KLHL13: variants seen among roughly 807,000 people sequenced by gnomAD.
KLHL13 encodes kelch like family member 13.
In KLHL13, 10 loss-of-function variants were observed where a neutral mutation model predicts 37.1. That is an observed-to-expected ratio of 0.27 (90% CI 0.17 to 0.46). The LOEUF (loss-of-function observed/expected upper bound fraction) is 0.46. Ranked by LOEUF, KLHL13 falls within the 20% of genes least tolerant of loss-of-function variation. KLHL13 has a pLI of 1.00. For missense variants in KLHL13, 360 were observed against 509.3 expected (o/e 0.71, Z 2.82); for synonymous variants, 163 against 181.2 (o/e 0.90, Z 0.81).
chrX:117,900,589 A>T (rs1336401342), intron 6 of KLHL13, among the ~76,000 whole-genome samples: 1 of 112,116 alleles, frequency 8.9e-6, no homozygotes, highest in East Asian at 2.8e-4. Flanking sequence ...GACATTCTGT[A>T]GTTGCTCATG....
At chrX:118,091,187 G>C (rs1284867331) in intron 1 of KLHL13, among the ~76,000 whole-genome samples, 1 of 106,721 alleles carries the variant, frequency 9.4e-6, no homozygotes, top group Non-Finnish European at 1.9e-5. Context: ...TAAATGACGA[G>C]TTAATGGGTG....
chrX:117,976,874 G>A (rs753669991), upstream of KLHL13, among the ~76,000 whole-genome samples: 2 of 112,285 alleles, frequency 1.8e-5, no homozygotes, highest in African/African-American at 3.2e-5. Flanking sequence ...CTCTTAGAAT[G>A]TAAAAGGAGA....
chrX:117,907,691 C>T (rs749839743), intron 5 of KLHL13, among the ~76,000 whole-genome samples: 2 of 110,970 alleles, frequency 1.8e-5, no homozygotes, highest in South Asian at 7.6e-4. Context: ...TTTTAAAAGT[C>T]CAATTATTAA....
chrX:117,983,541 G>A (rs905263505), intron 1 of KLHL13: 10 of 1,138,561 alleles, frequency 8.8e-6, no homozygotes, highest in Admixed American at 2.7e-5. Context: ...AATTGCCTCC[G>A]TCTCCTGAAA....
intron 1 of KLHL13, among the ~76,000 whole-genome samples, chrX:118,108,360 G>A (rs983927763): frequency 8.9e-6 from 1 of 112,044 alleles, no homozygotes; most frequent in African/African-American, 3.2e-5. Context: ...CAATGAAAGT[G>A]GGACTGCAAT....
In KLHL13 at chrX:117,926,988, C is replaced by G. The variant is rs6646000; in HGVS notation, c.241-6618G>C. ...TGGCGCAATCTCGGCTCACTGCAACCTCCGCCTCCCAGGTTCACGCCCTTC... is the reference window on the plus strand; with the variant it reads ...TGGCGCAATCTCGGCTCACTGCAACGTCCGCCTCCCAGGTTCACGCCCTTC... On this transcript the variant is annotated intron_variant, in intron 2 of 6. Coordinates refer to ENST00000262820, the Ensembl canonical transcript of KLHL13. Among the ~76,000 whole-genome samples, 763 of 99,824 alleles carry G rather than the reference C, an allele frequency of 7.6e-3. 7 individuals carry two copies. Among genetic ancestry groups the G allele is most frequent in the African/African-American group, 0.025 (674 of 27,402 alleles). 86.7% of individuals were successfully genotyped at this position (99,824 alleles called of 115,157 possible). A position where few individuals can be genotyped will look rare whatever the true frequency, so the allele number is the denominator to read the frequency against.
intron 1 of KLHL13, among the ~76,000 whole-genome samples, chrX:117,952,045 A>G: frequency 9.0e-6 from 1 of 111,728 alleles, no homozygotes; most frequent in Non-Finnish European, 1.9e-5. Context: ...CAGAATTGGA[A>G]AAAACTACTT....
chrX:118,061,998 C>T (rs1053295082), intron 1 of KLHL13, among the ~76,000 whole-genome samples: 2 of 110,832 alleles, frequency 1.8e-5, no homozygotes, highest in African/African-American at 6.5e-5. Context: ...ATCTACTGCC[C>T]CATCTTCTCC....
At chrX:118,094,868 C>T (rs1295229070) in intron 1 of KLHL13, among the ~76,000 whole-genome samples, 11 of 111,202 alleles carry the variant, frequency 9.9e-5, no homozygotes, top group African/African-American at 3.6e-4. Flanking sequence ...CCAGGCCTGC[C>T]CTAAAAGAGC....
At chrX:117,952,798 G>T (rs1464595915) in intron 1 of KLHL13, among the ~76,000 whole-genome samples, 2 of 108,442 alleles carry the variant, frequency 1.8e-5, no homozygotes, top group African/African-American at 6.7e-5. Flanking sequence ...AAAGACACAT[G>T]AAAAAATGCT....
intron 1 of KLHL13, among the ~76,000 whole-genome samples, chrX:118,059,261 T>C (rs192169318): frequency 2.3e-4 from 26 of 111,860 alleles, no homozygotes; most frequent in African/African-American, 8.4e-4. Flanking sequence ...GAAAAATACA[T>C]TGATATTAAG....
intron 1 of KLHL13, among the ~76,000 whole-genome samples, chrX:118,112,010 A>G (rs1296403027): frequency 2.7e-5 from 3 of 112,119 alleles, no homozygotes; most frequent in Non-Finnish European, 5.6e-5. Context: ...CATATGAGAT[A>G]ACTGAGGTAC....
At chrX:117,926,975 G>A (rs748547423) in intron 2 of KLHL13, among the ~76,000 whole-genome samples, 4 of 91,658 alleles carry the variant, frequency 4.4e-5, no homozygotes, top group East Asian at 7.1e-4. Flanking sequence ...GCGCAATCTC[G>A]GCTCACTGCA....
intron 1 of KLHL13, 134 bp from the exon 3 acceptor site, chrX:117,945,709 T>A: frequency 2.0e-6 from 1 of 491,934 alleles, no homozygotes; most frequent in Non-Finnish European, 3.3e-6. Flanking sequence ...TTTCACTATA[T>A]TATACGCTTG....
intron 1 of KLHL13, among the ~76,000 whole-genome samples, chrX:118,035,240 T>G (rs1364303911): frequency 4.9e-5 from 5 of 102,466 alleles, no homozygotes; most frequent in Admixed American, 9.8e-5. Flanking sequence ...TAACTCATTT[T>G]ATGAGGCCAG....
rs186680577 is a variant in KLHL13 at position 118,071,245 on chromosome X, G to C, written c.-56+45263C>G. Among the ~76,000 whole-genome samples, 341 of 111,712 alleles carry C rather than the reference G, an allele frequency of 3.1e-3. 2 individuals carry two copies. The highest frequency in any genetic ancestry group is 0.011 in the African/African-American group (326 of 30,676). On this transcript the variant is annotated intron_variant, in intron 1 of 6. Coordinates refer to the KLHL13 transcript ENST00000371882. ...TGTGCATGTGTCTTTATAGCGGCAT[G>C]ATTTATAGTCCTTTGGGTATATACC...
At chrX:117,917,232 C>CA (rs1285367212) in intron 4 of KLHL13, among the ~76,000 whole-genome samples, 1 of 110,967 alleles carries the variant, frequency 9.0e-6, no homozygotes, top group Admixed American at 9.6e-5. Context: ...ATATCCTCTG[C>CA]AAAAAAGGAT....
chrX:117,937,900 C>T (rs1249370319), intron 2 of KLHL13, among the ~76,000 whole-genome samples: 1 of 111,719 alleles, frequency 9.0e-6, no homozygotes, highest in Admixed American at 9.5e-5. Context: ...TCTCATATCC[C>T]CCCAATTTCC....
intron 1 of KLHL13, among the ~76,000 whole-genome samples, chrX:117,962,950 A>G (rs1032467643): frequency 8.9e-6 from 1 of 112,118 alleles, no homozygotes; most frequent in African/African-American, 3.2e-5. Context: ...AGTGCTTAGC[A>G]CTTCTATAAT....
Sources: allele counts gnomAD v4.1 joint callset (sites outside exome capture counted in the v4.1 genomes callset), GRCh38; gene constraint gnomAD v4.1.1; transcripts MANE v1.5; gene names NCBI Gene and HGNC (gene_info 2026-07-23, HGNC 2026-07-21).